LPP: variants seen among roughly 807,000 people sequenced by gnomAD.
The protein encoded by LPP is LIM domain containing preferred translocation partner in lipoma.
In LPP, 38 loss-of-function variants were observed where a neutral mutation model predicts 60.4. The ratio of observed to expected loss-of-function variants is 0.63; its 90% confidence interval spans 0.49 to 0.83. The LOEUF is 0.83. Among genes scored for constraint, LPP ranks in the 40% least tolerant of loss-of-function variants. The pLI is 0.00. For missense variants in LPP, 902 were observed against 783.6 expected, an observed-to-expected ratio of 1.15 and a Z score of -1.80; for synonymous variants, 328 against 290.8, an observed-to-expected ratio of 1.13 and a Z score of -1.30.
rs141870551 is a variant in LPP, at chr3:188,866,363, T to C, written c.1574T>C (p.Ile525Thr). ...TVDAGGLIHC[I>T]EDFHKKFAPR... ...GATGCTGGCGGGCTCATTCACTGCATTGAGGACTTCCACAAGTAGGCAACC... is the reference window on the plus strand; with the variant it reads ...GATGCTGGCGGGCTCATTCACTGCACTGAGGACTTCCACAAGTAGGCAACC... Residue 525 changes from isoleucine (I) to threonine (T), a missense_variant, in exon 10 of 12, where the codon ATT (isoleucine) becomes ACT (threonine). Coordinates refer to ENST00000617246, the MANE Select transcript of LPP (RefSeq NM_001375462.1). The C allele has an allele frequency of 2.7e-6, 4 of 1,503,174 alleles. No individual in the cohort carries two copies. Among genetic ancestry groups the C allele is most frequent in the Non-Finnish European group, 3.6e-6 (4 of 1,118,682 alleles). 93.1% of individuals were successfully genotyped at this position (1,503,174 alleles called of 1,614,324 possible).
At position 188,537,310 on chromosome 3, in the gene LPP, C is replaced by T. The variant is rs143723924; in HGVS notation, c.429+12523C>T. Reference sequence around the variant, plus strand: ...TGTATCTTTCAGGGCCATTGCCTTTCTAGCATTATTGATCGTATCACATGG... The same window carrying T: ...TGTATCTTTCAGGGCCATTGCCTTTTTAGCATTATTGATCGTATCACATGG... On this transcript the variant is annotated intron_variant, in intron 6 of 11. Coordinates refer to ENST00000617246, the MANE Select transcript of LPP (RefSeq NM_001375462.1). Among the ~76,000 whole-genome samples the T allele has an allele frequency of 6.0e-3, 917 of 151,898 alleles. 9 individuals are homozygous for T. The highest frequency in any genetic ancestry group is 0.021 in the African/African-American group (868 of 41,524).
intron 9 of LPP, among the ~76,000 whole-genome samples, chr3:188,775,241 C>T (rs377748032): frequency 6.6e-5 from 10 of 152,044 alleles, no homozygotes; most frequent in Admixed American, 2.6e-4. Context: ...TTAGTACAGA[C>T]GGGGTTTCAC....
chr3:188,707,169 T>TA (rs1041967069), intron 7 of LPP, among the ~76,000 whole-genome samples: 33 of 152,286 alleles, frequency 2.2e-4, no homozygotes, highest in African/African-American at 7.7e-4. Flanking sequence ...ATTTTTTTTT[T>TA]ACTGCAGTAT....
At chr3:188,250,768 T>TTCTGTCTGTCTTTCTTTC (rs1216079659) in intron 2 of LPP, among the ~76,000 whole-genome samples, 5 of 114,962 alleles carry the variant, frequency 4.3e-5, no homozygotes, top group African/African-American at 1.3e-4. Context: ...CTTTCTTTCT[T>TTCTGTCTGTCTTTCTTTC]TCTTTCTTTC....
intron 7 of LPP, among the ~76,000 whole-genome samples, chr3:188,618,871 G>A (rs938971486): frequency 4.6e-5 from 7 of 152,074 alleles, no homozygotes; most frequent in African/African-American, 2.4e-5. Context: ...GAAGGATAAG[G>A]TGTAAGTGTG....
chr3:188,339,365 C>G (rs1282945164), intron 2 of LPP, among the ~76,000 whole-genome samples: 3 of 152,204 alleles, frequency 2.0e-5, no homozygotes, highest in African/African-American at 7.2e-5. Context: ...AGAAAGACTT[C>G]AGCTTTCCTA....
intron 6 of LPP, among the ~76,000 whole-genome samples, chr3:188,592,584 T>A (rs7623228): frequency 1.4e-5 from 1 of 74,070 alleles, no homozygotes; most frequent in African/African-American, 4.9e-5. Context: ...TCACTCTTTC[T>A]CCCAGGCTGG....
intron 5 of LPP, among the ~76,000 whole-genome samples, chr3:188,496,185 G>A (rs572644119): frequency 2.2e-4 from 33 of 152,048 alleles, no homozygotes; most frequent in African/African-American, 7.0e-4. Flanking sequence ...GAGTGCAGTG[G>A]CATGATCTCC....
chr3:188,217,077 C>A lies in LPP; in HGVS notation c.-189-8328C>A, dbSNP rs1162873280. On this transcript the variant is annotated intron_variant, in intron 1 of 11. Coordinates refer to ENST00000617246, the MANE Select transcript of LPP (RefSeq NM_001375462.1). This position sits in a 1 kb window ranked among gnomAD's most constrained non-coding sequence, Gnocchi z 4.0. ...ATCTCTTGGTGCTTACACGCTGCTG[C>A]AGGTGTGTGAAGGAGGCAGATAAAG... Among the ~76,000 whole-genome samples the A allele has an allele frequency of 6.6e-6, 1 of 152,170 alleles. No homozygotes were observed. The highest frequency in any genetic ancestry group is 2.4e-5 in the African/African-American group (1 of 41,428).
In LPP at chr3:188,334,369, T is replaced by C. The variant is rs77005431; in HGVS notation, c.-66-7294T>C. On this transcript the variant is annotated intron_variant, in intron 2 of 11. Coordinates refer to ENST00000617246, the MANE Select transcript of LPP (RefSeq NM_001375462.1). Reference sequence around the variant, plus strand: ...TCTTATTGAAAATGTTTTTTTTTTTTCCTTTGGATATATGACCAGCAGTGG... The same window carrying C: ...TCTTATTGAAAATGTTTTTTTTTTTCCCTTTGGATATATGACCAGCAGTGG... 4.1e-3 allele frequency among the ~76,000 whole-genome samples: 621 copies of C among 151,768 alleles called. 3 individuals carry two copies. Among genetic ancestry groups the C allele is most frequent in the South Asian group, 0.012 (60 of 4,812 alleles).
At chr3:188,286,059 A>G (rs1276890703) in intron 2 of LPP, among the ~76,000 whole-genome samples, 2 of 152,142 alleles carry the variant, frequency 1.3e-5, no homozygotes, top group Admixed American at 6.5e-5. Flanking sequence ...AAATGGGCTT[A>G]TAGAGGGAAG....
chr3:188,756,980 A>G (rs1730482180), intron 8 of LPP, among the ~76,000 whole-genome samples: 1 of 152,222 alleles, frequency 6.6e-6, no homozygotes. Flanking sequence ...TTTGGTATCC[A>G]AGCCATAGTC....
intron 9 of LPP, among the ~76,000 whole-genome samples, chr3:188,851,952 C>T (rs1762776634): frequency 1.3e-5 from 2 of 152,040 alleles, no homozygotes; most frequent in East Asian, 1.9e-4. Context: ...CACTTGAGGC[C>T]GGGGAGTTCC....
chr3:188,832,164 G>A (rs990053256), intron 9 of LPP, among the ~76,000 whole-genome samples: 6 of 152,168 alleles, frequency 3.9e-5, no homozygotes, highest in African/African-American at 1.4e-4. Flanking sequence ...GAAGGCAAAG[G>A]TGTTGGGGTG....
chr3:188,193,188 G>T (rs953474339), intron 1 of LPP, among the ~76,000 whole-genome samples: 1 of 152,200 alleles, frequency 6.6e-6, no homozygotes. Context: ...GTGTTGGTTT[G>T]TGTGTCTTTC....
intron 6 of LPP, 125 bp downstream of exon 6, chr3:188,524,912 C>T: frequency 6.6e-6 from 3 of 457,742 alleles, no homozygotes; most frequent in South Asian, 3.7e-5. Context: ...TCCTTCCTTC[C>T]TTCCTTCCTT....
intron 7 of LPP, among the ~76,000 whole-genome samples, chr3:188,640,405 TA>T (rs1352110176): frequency 6.9e-6 from 1 of 144,010 alleles, no homozygotes; most frequent in African/African-American, 2.5e-5. Context: ...CATTGGGAGA[TA>T]TACCTAATGC....
At chr3:188,295,375 A>G in intron 2 of LPP, among the ~76,000 whole-genome samples, 1 of 152,192 alleles carries the variant, frequency 6.6e-6, no homozygotes, top group East Asian at 1.9e-4. Flanking sequence ...AACAATCCTC[A>G]GGGCTCGCTA....
intron 2 of LPP, among the ~76,000 whole-genome samples, chr3:188,291,253 T>C (rs1018468466): frequency 2.0e-5 from 3 of 152,116 alleles, no homozygotes; most frequent in Non-Finnish European, 4.4e-5. Context: ...TTCCTGGAAT[T>C]GGTAGTGTTG....
Sources: allele counts gnomAD v4.1 joint callset (sites outside exome capture counted in the v4.1 genomes callset), GRCh38; gene constraint gnomAD v4.1.1; non-coding constraint Gnocchi (gnomAD v3.1); transcripts MANE v1.5; gene names NCBI Gene and HGNC (gene_info 2026-07-23, HGNC 2026-07-21).